The following LRP1B variants were observed in gnomAD, a reference collection of about 807,000 sequenced individuals.
LRP1B encodes low-density lipoprotein receptor-related protein 1B.
A neutral mutation model predicts 556.6 loss-of-function variants in LRP1B; 217 were observed. The observed-to-expected ratio is 0.39, with a 90% CI of 0.35 to 0.44. The LOEUF is 0.44. LRP1B is among the 20% of genes least tolerant of loss of function. LRP1B has a pLI of 1.00. For synonymous variants in LRP1B, 2,047 were observed against 1,865.8 expected (o/e 1.10, Z -2.50); for missense variants, 5,053 against 5,620.8 (o/e 0.90, Z 3.23).
At chr2:140,590,662 G>A (rs1471728970) in intron 43 of LRP1B, among the ~76,000 whole-genome samples, 1 of 151,978 alleles carries the variant, frequency 6.6e-6, no homozygotes, top group Non-Finnish European at 1.5e-5. Flanking sequence ...CCATAAGCCA[G>A]GAAAAGAGGC....
At position 141,744,314 on chromosome 2, in the gene LRP1B, T is replaced by C. The variant is rs981563945; in HGVS notation, c.205+65965A>G. Among the ~76,000 whole-genome samples, 9 of 152,312 alleles carry C rather than the reference T, an allele frequency of 5.9e-5. No individual in the cohort carries two copies. The South Asian group carries it at 6.2e-4, about 11-fold the overall frequency. ...GTTTCCAAAATTCCTATTATTCCTC[T>C]AGTTATATTCCACTGTGATCAGAGA... On this transcript the variant is annotated intron_variant, in intron 2 of 90. Coordinates refer to ENST00000389484, the MANE Select transcript of LRP1B (RefSeq NM_018557.3).
chr2:140,372,941 C>T (rs2105170701), intron 69 of LRP1B, 67 bp downstream of exon 69: 2 of 1,552,188 alleles, frequency 1.3e-6, no homozygotes, highest in East Asian at 2.3e-5. Flanking sequence ...CTGCATATTG[C>T]TGCTTAAATT....
At chr2:140,711,396 C>T (rs1361705544) in intron 37 of LRP1B, among the ~76,000 whole-genome samples, 1 of 151,958 alleles carries the variant, frequency 6.6e-6, no homozygotes, top group Non-Finnish European at 1.5e-5. Context: ...CTCATACCAG[C>T]TGGACCTTAT....
chr2:142,013,655 G>A (rs1703026776), intron 1 of LRP1B, among the ~76,000 whole-genome samples: 1 of 152,016 alleles, frequency 6.6e-6, no homozygotes, highest in African/African-American at 2.4e-5. Context: ...GAAGAAGGAT[G>A]ATAAATAAAA....
chr2:140,925,765 T>C (rs1411631818), intron 20 of LRP1B, among the ~76,000 whole-genome samples: 3 of 152,160 alleles, frequency 2.0e-5, no homozygotes, highest in Non-Finnish European at 4.4e-5. Flanking sequence ...TCTAGTACTT[T>C]GAAAATTAGG....
chr2:141,984,176 T>C (rs1702120888), intron 1 of LRP1B, among the ~76,000 whole-genome samples: 1 of 152,198 alleles, frequency 6.6e-6, no homozygotes, highest in South Asian at 2.1e-4. Context: ...TTTTAAATTA[T>C]ACTTTAAGTT....
At chr2:142,097,131 C>A (rs1192055001) in intron 1 of LRP1B, among the ~76,000 whole-genome samples, 1 of 151,456 alleles carries the variant, frequency 6.6e-6, no homozygotes, top group Non-Finnish European at 1.5e-5. Flanking sequence ...ATTCCTAATA[C>A]TTGCAACTCC....
chr2:140,784,415 C>CACACAA (rs1689821235), intron 32 of LRP1B, among the ~76,000 whole-genome samples: 1 of 150,344 alleles, frequency 6.7e-6, no homozygotes, highest in Non-Finnish European at 1.5e-5. Context: ...CACACACACA[C>CACACAA]ACACACAAAA....
intron 1 of LRP1B, among the ~76,000 whole-genome samples, chr2:141,974,872 A>T (rs912052552): frequency 6.6e-6 from 1 of 152,110 alleles, no homozygotes; most frequent in African/African-American, 2.4e-5. Flanking sequence ...AGCTGTAAAT[A>T]AATTCAAATT....
intron 1 of LRP1B, among the ~76,000 whole-genome samples, chr2:141,955,784 G>A (rs959276250): frequency 3.3e-5 from 5 of 152,088 alleles, no homozygotes; most frequent in African/African-American, 1.2e-4. Flanking sequence ...TCAGTAGCCT[G>A]TCTCTGCATT....
At chr2:141,131,407 T>TTACATATATATATATATA (rs1701349698) in intron 7 of LRP1B, among the ~76,000 whole-genome samples, 1 of 110,684 alleles carries the variant, frequency 9.0e-6, no homozygotes, top group Non-Finnish European at 1.8e-5. Flanking sequence ...ATGCATAAAG[T>TTACATATATATATATATA]TATATATATA....
intron 3 of LRP1B, among the ~76,000 whole-genome samples, chr2:141,477,532 C>G (rs13418036): frequency 0.51 from 77,837 of 151,922 alleles, 20,170 homozygotes; most frequent in Non-Finnish European, 0.55. Context: ...TGCTTATAGG[C>G]AGTCACCTTT....
rs373568027 is a variant in LRP1B at position 141,707,676 on chromosome 2, T to C, written c.205+102603A>G. Among the ~76,000 whole-genome samples the C allele has an allele frequency of 2.0e-4, 31 of 152,314 alleles. No homozygotes were observed. The East Asian group carries it at 3.7e-3, about 18-fold the overall frequency. ...TCAGTGTCTGCCACGTGTCAAGCAC[T>C]TTGTTATATCCTGCAGAGGCAGAAA... On this transcript the variant is annotated intron_variant, in intron 2 of 90. Transcript: ENST00000389484.
chr2:141,926,061 A>C (rs1325427226), intron 1 of LRP1B, among the ~76,000 whole-genome samples: 1 of 152,202 alleles, frequency 6.6e-6, no homozygotes, highest in Non-Finnish European at 1.5e-5. Context: ...ATTCCTTTTT[A>C]GTGACTGATG....
At chr2:141,885,233 G>T (rs1157368114) in intron 1 of LRP1B, among the ~76,000 whole-genome samples, 1 of 152,236 alleles carries the variant, frequency 6.6e-6, no homozygotes, top group Non-Finnish European at 1.5e-5. Flanking sequence ...GTAGATAACA[G>T]AAAATTACAA....
intron 1 of LRP1B, among the ~76,000 whole-genome samples, chr2:142,078,847 C>A (rs1705607240): frequency 6.9e-6 from 1 of 145,744 alleles, no homozygotes. Context: ...ATGTATAGTG[C>A]CTAAAAAGCA....
chr2:141,898,431 G>A (rs1699520092), intron 1 of LRP1B, among the ~76,000 whole-genome samples: 1 of 152,078 alleles, frequency 6.6e-6, no homozygotes, highest in South Asian at 2.1e-4. Flanking sequence ...TTGACTCATG[G>A]GCTCAAAAAT....
chr2:140,251,613 A>T (rs1277370590), intron 86 of LRP1B, among the ~76,000 whole-genome samples: 2 of 151,966 alleles, frequency 1.3e-5, no homozygotes, highest in African/African-American at 4.8e-5. Flanking sequence ...CGTATGTGCA[A>T]GGTTGCCCTT....
At chr2:142,113,333 T>C (rs1312598604) in intron 1 of LRP1B, among the ~76,000 whole-genome samples, 1 of 152,104 alleles carries the variant, frequency 6.6e-6, no homozygotes, top group East Asian at 1.9e-4. Flanking sequence ...ACTACCTTAC[T>C]AGAGCTATTA....
Sources: allele counts gnomAD v4.1 joint callset (sites outside exome capture counted in the v4.1 genomes callset), GRCh38; gene constraint gnomAD v4.1.1; transcripts MANE v1.5; gene names NCBI Gene and HGNC (gene_info 2026-07-23, HGNC 2026-07-21).